The following MAPK6 variants were observed in gnomAD, a reference collection of about 807,000 sequenced individuals.
The protein encoded by MAPK6 is mitogen-activated protein kinase 6.
In MAPK6, 19 loss-of-function variants were observed where a neutral mutation model predicts 59.3. The observed-to-expected ratio is 0.32, with a 90% confidence interval of 0.22 to 0.47. MAPK6 has a LOEUF of 0.47. Among genes scored for constraint, MAPK6 ranks in the 20% least tolerant of loss-of-function variants. The pLI is 1.00. For missense variants in MAPK6, 724 were observed against 847.9 expected (o/e 0.85, Z 1.81); for synonymous variants, 316 against 290.3 (o/e 1.09, Z -0.90).
At chr15:51,995,160 TAGAC>T (rs1489271030) in intron 2 of MAPK6, among the ~76,000 whole-genome samples, 1 of 152,176 alleles carries the variant, frequency 6.6e-6, no homozygotes, top group African/African-American at 2.4e-5. Context: ...GAAGCAGGCT[TAGAC>T]AGAAGGAAAA....
intron 1 of MAPK6, among the ~76,000 whole-genome samples, chr15:51,974,861 G>T (rs1440248642): frequency 6.6e-6 from 1 of 150,536 alleles, no homozygotes; most frequent in East Asian, 2.0e-4. Context: ...GGGACTATAG[G>T]CATGCACCAC....
upstream of MAPK6, among the ~76,000 whole-genome samples, chr15:52,016,107 C>CACACACACACACACACACACACACACA (rs1267339787): frequency 1.5e-5 from 2 of 136,212 alleles, no homozygotes; most frequent in Non-Finnish European, 3.1e-5. Context: ...CACACACACA[C>CACACACACACACACACACACACACACA]AAACTAAAAC....
At chr15:52,016,686 T>TA (rs1380585587), upstream of MAPK6, among the ~76,000 whole-genome samples, 2 of 152,084 alleles carry the variant, frequency 1.3e-5, no homozygotes, top group Non-Finnish European at 2.9e-5. Context: ...CCACCCACCT[T>TA]AAACTATTAT....
At chr15:52,025,386 TATG>T (rs1019905468) in intron 1 of MAPK6, among the ~76,000 whole-genome samples, 1 of 152,244 alleles carries the variant, frequency 6.6e-6, no homozygotes, top group African/African-American at 2.4e-5. Context: ...TTGAACTTTC[TATG>T]ATGATAGAAG....
chr15:52,043,742 A>ATTTTTTTTTTTTTTTTTTTTTT (rs71130125), intron 1 of MAPK6, among the ~76,000 whole-genome samples: 1 of 40,658 alleles, frequency 2.5e-5, no homozygotes, highest in Admixed American at 4.0e-4. Flanking sequence ...AAGTTGTTTG[A>ATTTTTTTTTTTTTTTTTTTTTT]TTTTTTTTTT....
At chr15:52,006,520 A>G (rs970293217) in intron 3 of MAPK6, among the ~76,000 whole-genome samples, 1 of 152,236 alleles carries the variant, frequency 6.6e-6, no homozygotes, top group Non-Finnish European at 1.5e-5. Flanking sequence ...TAGAGTTTAC[A>G]ATGACTAAAA....
At chr15:52,035,058 C>T (rs1452142774) in intron 1 of MAPK6, among the ~76,000 whole-genome samples, 4 of 152,202 alleles carry the variant, frequency 2.6e-5, no homozygotes, top group Admixed American at 1.3e-4. Flanking sequence ...GCTTTTTAGT[C>T]TAGATTCTGG....
At chr15:52,021,804 T>C (rs1391109118) in intron 1 of MAPK6, among the ~76,000 whole-genome samples, 1 of 152,242 alleles carries the variant, frequency 6.6e-6, no homozygotes, top group African/African-American at 2.4e-5. Flanking sequence ...AACATAATTA[T>C]ATATTGTGCT....
At chr15:52,039,955 C>G (rs944286108) in intron 1 of MAPK6, among the ~76,000 whole-genome samples, 8 of 152,152 alleles carry the variant, frequency 5.3e-5, no homozygotes, top group African/African-American at 1.7e-4. Context: ...CATGTCTTTT[C>G]CCAGGTTCCT....
In MAPK6 at chr15:52,064,607, T is replaced by G. The variant is rs1418592905; in HGVS notation, c.1773T>G (p.Ser591=). 2.5e-6 allele frequency: 4 copies of G among 1,611,732 alleles called. No individual in the cohort carries two copies. Among genetic ancestry groups the G allele is most frequent in the Admixed American group, 3.3e-5 (2 of 59,984 alleles). ...CTCAATTAGAAGCCTTGTACCAGTC[T>G]TCTTGGGACAGCCAGTTTGTGAGTG... ...NLAQLEALYQ[S]SWDSQFVSGG... Residue 591 remains serine (S), a synonymous_variant, in exon 6 of 6, where the codon TCT becomes TCG. Transcript: ENST00000261845.
rs144653767 is a variant in MAPK6, at chr15:52,057,530, C to G, written c.701-1103C>G. Among the ~76,000 whole-genome samples, 247 of 148,310 alleles carry G rather than the reference C, an allele frequency of 1.7e-3. 4 individuals are homozygous for G. The East Asian group carries it at 0.025, about 15-fold the overall frequency. ...TGTATTCCTGACTTCCTTAATTTTC[C>G]ACTTCTTAGTGAGGCCTTCCTTTGT... is the stretch of plus-strand genomic sequence containing the variant. On this transcript the variant is annotated intron_variant, in intron 3 of 5. Transcript: ENST00000261845.
chr15:52,049,210 A>T (rs10152475), intron 2 of MAPK6, among the ~76,000 whole-genome samples: 2,229 of 152,264 alleles, frequency 0.015, 59 homozygotes, highest in African/African-American at 0.052. Flanking sequence ...GGAGGTAGAC[A>T]TTGGTTTATA....
At chr15:52,063,455 A>G (rs1281045404) in intron 5 of MAPK6, among the ~76,000 whole-genome samples, 1 of 152,240 alleles carries the variant, frequency 6.6e-6, no homozygotes, top group Non-Finnish European at 1.5e-5. Flanking sequence ...CGCATTCAGC[A>G]GCACGTATAC....
In MAPK6 at chr15:52,019,541, C is replaced by T. The variant is rs1440582853; in HGVS notation, c.-632+165C>T. ...GCCGCTCAACAAAGGCGTTTTTGTT[C>T]GGTCTGCCGCCCGCCCCCTGCTCGC... is the stretch of plus-strand genomic sequence containing the variant. On this transcript the variant is annotated intron_variant, in intron 1 of 5. Transcript: ENST00000261845. 3.4e-5 allele frequency among the ~76,000 whole-genome samples: 5 copies of T among 145,972 alleles called. No individual in the cohort carries two copies. The East Asian group carries it at 8.0e-4, about 23-fold the overall frequency.
intron 5 of MAPK6, among the ~76,000 whole-genome samples, chr15:52,062,066 G>A (rs1244859465): frequency 6.8e-6 from 1 of 147,844 alleles, no homozygotes; most frequent in African/African-American, 2.6e-5. Context: ...TTAGATGCAG[G>A]ATTTTTTTTT....
chr15:52,049,598 G>A (rs2031710977), intron 2 of MAPK6, among the ~76,000 whole-genome samples: 1 of 151,368 alleles, frequency 6.6e-6, no homozygotes, highest in African/African-American at 2.4e-5. Flanking sequence ...AAAGTGCTGG[G>A]GTTAAAGATT....
chr15:51,996,355 G>C (rs1324090758), intron 2 of MAPK6, among the ~76,000 whole-genome samples: 1 of 152,074 alleles, frequency 6.6e-6, no homozygotes, highest in Non-Finnish European at 1.5e-5. Context: ...AGAGACTTTG[G>C]CTGTGTCCCC....
intron 1 of MAPK6, among the ~76,000 whole-genome samples, chr15:52,030,777 C>T (rs911132311): frequency 1.3e-5 from 2 of 151,120 alleles, no homozygotes; most frequent in African/African-American, 4.9e-5. Flanking sequence ...CAGGCGTGTG[C>T]CACCATGCCC....
Position 52,036,664 on chromosome 15 carries a change from G to A in MAPK6, c.-631-9166G>A, listed in dbSNP as rs372998223. 1.3e-4 allele frequency among the ~76,000 whole-genome samples: 20 copies of A among 152,306 alleles called. No individual in the cohort carries two copies. In the East Asian group the frequency reaches 1.9e-3, roughly 15 times the overall value. On this transcript the variant is annotated intron_variant, in intron 1 of 5. Coordinates refer to ENST00000261845, the MANE Select transcript of MAPK6 (RefSeq NM_002748.4). ...GGGGGACACATTCAAAGCATGGCAC[G>A]GGCCTAGTGAAAGACTGGACTCTTT...
Sources: gnomAD v4.1 joint callset for allele counts (sites outside exome capture counted in the v4.1 genomes callset) on GRCh38, gnomAD v4.1.1 for gene constraint, MANE v1.5 for transcripts, NCBI Gene and HGNC (gene_info 2026-07-23, HGNC 2026-07-21) for gene names.